The following WDR93 variants were observed in gnomAD, a reference collection of about 807,000 sequenced individuals.
The protein encoded by WDR93 is WD repeat domain 93.
In WDR93, 73 loss-of-function variants were observed where a neutral mutation model predicts 82.9. The ratio of observed to expected loss-of-function variants is 0.88; its 90% CI spans 0.73 to 1.07. The LOEUF (loss-of-function observed/expected upper bound fraction) is 1.07, where lower values mean the gene tolerates loss of function less well. Ranked by LOEUF, WDR93 falls within the 50% of genes least tolerant of loss-of-function variation. The pLI is 0.00. For missense variants in WDR93, 738 were observed against 826.0 expected (o/e 0.89, Z 1.31); for synonymous variants, 283 against 300.1 (o/e 0.94, Z 0.59).
chr15:89,743,420 AG>A lies in WDR93; in HGVS notation c.*31del, dbSNP rs1230999023. 1 of 1,610,422 alleles carries A rather than the reference AG, an allele frequency of 6.2e-7. No homozygotes were observed. The highest frequency in any genetic ancestry group is 1.3e-5 in the African/African-American group (1 of 74,894). On this transcript the variant is annotated 3_prime_UTR_variant, in exon 17 of 17. Coordinates refer to ENST00000268130, the MANE Select transcript of WDR93 (RefSeq NM_020212.2). ...TGCCACCGCCCTGGGATCTCTGAAA[AG>A]GAGGTTTCAGCCACGAGGCAGCTGC... is the stretch of plus-strand genomic sequence containing the variant.
intron 5 of WDR93, among the ~76,000 whole-genome samples, chr15:89,713,700 T>C (rs540336724): frequency 6.6e-6 from 1 of 152,208 alleles, no homozygotes; most frequent in African/African-American, 2.4e-5. Context: ...CTCGAACTCC[T>C]GAGCTCAGGT....
At chr15:89,705,793 T>A (rs1223775767) in intron 4 of WDR93, among the ~76,000 whole-genome samples, 175 bp downstream of exon 4, 1 of 152,232 alleles carries the variant, frequency 6.6e-6, no homozygotes. Context: ...AAAGGGTACA[T>A]GCTGAATTCC....
At position 89,699,695 on chromosome 15, in the gene WDR93, T is replaced by C. The variant is rs552605312; in HGVS notation, c.-40-2012T>C. 2.8e-4 allele frequency among the ~76,000 whole-genome samples: 42 copies of C among 152,312 alleles called. No individual in the cohort carries two copies. In the East Asian group the frequency reaches 8.1e-3, roughly 29 times the overall value. Reference sequence around the variant, plus strand: ...TCTATTGCTGTGTCTTCAAGTTCACTAATCTTTTCTTCTGGCCATCTAATT... The same window carrying C: ...TCTATTGCTGTGTCTTCAAGTTCACCAATCTTTTCTTCTGGCCATCTAATT... On this transcript the variant is annotated intron_variant, in intron 1 of 16. Transcript: ENST00000268130.
At chr15:89,698,894 TTTAA>T (rs1965316590) in intron 1 of WDR93, among the ~76,000 whole-genome samples, 1 of 152,176 alleles carries the variant, frequency 6.6e-6, no homozygotes, top group Non-Finnish European at 1.5e-5. Flanking sequence ...ATTTTATTTA[TTTAA>T]TTAATTAGTT....
At chr15:89,706,409 C>T (rs891613032) in intron 4 of WDR93, among the ~76,000 whole-genome samples, 4 of 151,896 alleles carry the variant, frequency 2.6e-5, no homozygotes, top group Non-Finnish European at 5.9e-5. Flanking sequence ...CCTCCTGCCT[C>T]AGCCTCCCAA....
At chr15:89,713,040 C>T (rs1183573239) in intron 5 of WDR93, among the ~76,000 whole-genome samples, 4 of 151,060 alleles carry the variant, frequency 2.6e-5, no homozygotes, top group Non-Finnish European at 5.9e-5. Flanking sequence ...AGGAAAATCG[C>T]TTGAACCTGG....
chr15:89,696,690 T>G (rs1365523279), intron 1 of WDR93, among the ~76,000 whole-genome samples: 1 of 152,112 alleles, frequency 6.6e-6, no homozygotes, highest in Non-Finnish European at 1.5e-5. Context: ...AGATGAGGTT[T>G]TGCCATTTTG....
At chr15:89,713,724 C>T (rs777752262) in intron 5 of WDR93, among the ~76,000 whole-genome samples, 1 of 152,190 alleles carries the variant, frequency 6.6e-6, no homozygotes, top group African/African-American at 2.4e-5. Context: ...CCGCCCGCCT[C>T]GGCCTCTGAA....
chr15:89,697,965 C>T (rs1439980613), intron 1 of WDR93, among the ~76,000 whole-genome samples: 2 of 150,966 alleles, frequency 1.3e-5, no homozygotes, highest in East Asian at 1.9e-4. Context: ...CTGCAAGCTC[C>T]GCCTCCTGGG....
rs553413840 is a variant in WDR93 at position 89,741,816 on chromosome 15, A to G, written c.1962-1476A>G. Among the ~76,000 whole-genome samples the G allele has an allele frequency of 2.6e-5, 4 of 152,218 alleles. No individual in the cohort carries two copies. In the Middle Eastern group the frequency reaches 0.014, roughly 518 times the overall value. On this transcript the variant is annotated intron_variant, in intron 16 of 16. Transcript: ENST00000268130. ...CGCCAGGCTGGAGTGCAGTGGCACAATCTCAGCTCACTGCAACCTCTGCCT... is the reference window on the plus strand; with the variant it reads ...CGCCAGGCTGGAGTGCAGTGGCACAGTCTCAGCTCACTGCAACCTCTGCCT...
chr15:89,731,078 C>A (rs1281075179), intron 11 of WDR93, among the ~76,000 whole-genome samples: 6 of 152,138 alleles, frequency 3.9e-5, no homozygotes, highest in Admixed American at 2.6e-4. Flanking sequence ...GACTGTATGG[C>A]CTTGAGCAAG....
At chr15:89,727,566 A>C (rs938998377) in intron 9 of WDR93, among the ~76,000 whole-genome samples, 1 of 152,208 alleles carries the variant, frequency 6.6e-6, no homozygotes, top group South Asian at 2.1e-4. Flanking sequence ...TCTCTAAAAT[A>C]AATAAGCTCT....
intron 11 of WDR93, among the ~76,000 whole-genome samples, chr15:89,730,025 T>TA (rs376780426): frequency 9.5e-4 from 145 of 151,958 alleles, no homozygotes; most frequent in African/African-American, 3.4e-3. Context: ...GCAGCTAAGG[T>TA]AAAAAGAGAG....
In WDR93 at chr15:89,701,975, G is replaced by A. The variant is rs1567098701; in HGVS notation, c.229G>A (p.Glu77Lys). The A allele has an allele frequency of 6.8e-6, 11 of 1,613,684 alleles. No homozygotes were observed. Among genetic ancestry groups the A allele is most frequent in the Non-Finnish European group, 9.3e-6 (11 of 1,180,036 alleles). The change falls in exon 2 of 17, where the codon GAG (glutamate) becomes AAG (lysine). Residue 77 changes from glutamate (E) to lysine (K), a missense_variant. By Grantham distance (56) the Glu-to-Lys change is moderately conservative (BLOSUM62 1). Transcript: ENST00000268130. ...LFDQSWEIIE[E>K]RNALREAESS... ...TGACCAGTCTTGGGAAATTATTGAA[G>A]AGAGAAACGCACTGAGGGAAGCTGA...
chr15:89,742,415 G>GCCCC, intron 16 of WDR93, among the ~76,000 whole-genome samples: 1 of 151,936 alleles, frequency 6.6e-6, no homozygotes, highest in African/African-American at 2.4e-5. Context: ...CCCACTGACA[G>GCCCC]CCCCCCCTCC....
intron 5 of WDR93, among the ~76,000 whole-genome samples, chr15:89,713,969 G>T (rs1029757585): frequency 6.6e-6 from 1 of 152,160 alleles, no homozygotes; most frequent in Admixed American, 6.5e-5. Context: ...AAAAAATTTA[G>T]CCAGGATCCC....
chr15:89,740,570 C>A (rs957056473), intron 16 of WDR93, among the ~76,000 whole-genome samples: 1 of 152,128 alleles, frequency 6.6e-6, no homozygotes, highest in African/African-American at 2.4e-5. Context: ...GGCGCGATCT[C>A]GGCTCACTGC....
chr15:89,736,076 G>A lies in WDR93; in HGVS notation c.1608+523G>A, dbSNP rs531772723. ...GGAAGGTCCTGTACACTGCGCAGAAGGATACAGATGTGTCCCTGTGTGGGA... is the reference window on the plus strand; with the variant it reads ...GGAAGGTCCTGTACACTGCGCAGAAAGATACAGATGTGTCCCTGTGTGGGA... On this transcript the variant is annotated intron_variant, in intron 14 of 16. Coordinates refer to ENST00000268130, the MANE Select transcript of WDR93 (RefSeq NM_020212.2). 2.6e-5 allele frequency among the ~76,000 whole-genome samples: 4 copies of A among 152,336 alleles called. No homozygotes were observed. The South Asian group carries it at 8.3e-4, about 32-fold the overall frequency.
chr15:89,729,192 T>A, intron 10 of WDR93, 99 bp downstream of exon 10: 1 of 1,143,416 alleles, frequency 8.7e-7, no homozygotes. Context: ...AAACCTCGCA[T>A]GGTAGGAGGG....
Sources: allele counts gnomAD v4.1 joint callset (sites outside exome capture counted in the v4.1 genomes callset), GRCh38; gene constraint gnomAD v4.1.1; transcripts MANE v1.5; gene names NCBI Gene and HGNC (gene_info 2026-07-23, HGNC 2026-07-21).